Variants in EPSTI1 observed in about 807,000 individuals in gnomAD.
EPSTI1 encodes epithelial stromal interaction 1, also known as epithelial-stromal interaction protein 1.
Under a neutral mutation model 49.9 loss-of-function variants are expected in EPSTI1, and 66 were observed. The observed-to-expected ratio is 1.32, with a 90% CI of 1.08 to 1.62. The LOEUF (loss-of-function observed/expected upper bound fraction) is 1.62, where lower values mean the gene tolerates loss of function less well. Among genes scored for constraint, EPSTI1 ranks in the 40% most tolerant of loss-of-function variants. The pLI is 0.00. For missense variants in EPSTI1, 394 were observed against 365.5 expected (o/e 1.08, Z -0.64); for synonymous variants, 137 against 130.7 (o/e 1.05, Z -0.33).
chr13:42,934,494 A>G (rs2038490953), intron 6 of EPSTI1: 1 of 152,328 alleles, frequency 6.6e-6, no homozygotes, highest in Non-Finnish European at 1.5e-5. Context: ...TTTCTGGTCG[A>G]TTTGGTGGTA....
At chr13:42,905,662 A>T (rs1160647021) in intron 8 of EPSTI1, among the ~76,000 whole-genome samples, 1 of 152,232 alleles carries the variant, frequency 6.6e-6, no homozygotes, top group Non-Finnish European at 1.5e-5. Context: ...TACTCAATGC[A>T]TATTGTCACA....
At chr13:42,919,381 C>A in intron 7 of EPSTI1, 1 of 1,531,778 alleles carries the variant, frequency 6.5e-7, no homozygotes, top group East Asian at 2.3e-5. Context: ...TTTTTCTTAG[C>A]TCTAAACACC....
rs1437938272 is a variant in EPSTI1 at position 42,887,094 on chromosome 13, T to C, written c.*1400A>G. The C allele has an allele frequency of 6.6e-6, 1 of 152,202 alleles. No individual in the cohort carries two copies. The highest frequency in any genetic ancestry group is 1.5e-5 in the Non-Finnish European group (1 of 68,038). The allele number at this position is 152,202 out of a possible 1,614,324, so 9.4% of individuals were successfully genotyped here. On this transcript the variant is annotated 3_prime_UTR_variant, in exon 11 of 11. Transcript: ENST00000313624. ...CACATTTACAATCAGTTTGGTGATA[T>C]TTCCAACACAGGCTGGGGGATTGAG... is the stretch of plus-strand genomic sequence containing the variant.
At chr13:42,906,113 T>G (rs2037491812) in intron 8 of EPSTI1, among the ~76,000 whole-genome samples, 1 of 152,196 alleles carries the variant, frequency 6.6e-6, no homozygotes, top group Non-Finnish European at 1.5e-5. Flanking sequence ...CCAGGAGGGC[T>G]GCTCTGCTGG....
At chr13:42,908,704 T>C (rs1328005510) in intron 8 of EPSTI1, among the ~76,000 whole-genome samples, 1 of 151,968 alleles carries the variant, frequency 6.6e-6, no homozygotes, top group African/African-American at 2.4e-5. Context: ...CTGTAAACTA[T>C]ACATCTAATA....
At chr13:42,950,729 T>C (rs2039069410) in intron 6 of EPSTI1, among the ~76,000 whole-genome samples, 1 of 152,224 alleles carries the variant, frequency 6.6e-6, no homozygotes, top group Admixed American at 6.5e-5. Flanking sequence ...TAGCAAAGTA[T>C]TGACTGGTTT....
intron 6 of EPSTI1, among the ~76,000 whole-genome samples, chr13:42,937,944 AAAT>A (rs2038619314): frequency 6.6e-6 from 1 of 152,170 alleles, no homozygotes; most frequent in Non-Finnish European, 1.5e-5. Context: ...TCTATTTCTT[AAAT>A]AATAAGATGT....
chr13:42,941,006 GATT>G (rs2038735133), intron 6 of EPSTI1, among the ~76,000 whole-genome samples: 1 of 151,928 alleles, frequency 6.6e-6, no homozygotes, highest in South Asian at 2.1e-4. Context: ...TTTTTTCCTA[GATT>G]ATTATTTACT....
chr13:42,986,296 G>A (rs547041306), intron 1 of EPSTI1, among the ~76,000 whole-genome samples: 1 of 152,176 alleles, frequency 6.6e-6, no homozygotes, highest in Admixed American at 6.5e-5. Context: ...ATTTAGCCAC[G>A]GTCCCTGGTT....
chr13:42,951,443 G>A (rs963710732), intron 6 of EPSTI1, among the ~76,000 whole-genome samples: 1 of 152,126 alleles, frequency 6.6e-6, no homozygotes, highest in Non-Finnish European at 1.5e-5. Context: ...CTCAATTTTA[G>A]CCAAACTCTG....
Position 42,919,657 on chromosome 13 carries a change from G to T in EPSTI1, c.658-2033C>A, listed in dbSNP as rs1004326302. Among the ~76,000 whole-genome samples the T allele has an allele frequency of 2.6e-5, 4 of 152,212 alleles. No homozygotes were observed. In the East Asian group the frequency reaches 7.7e-4, roughly 29 times the overall value. On this transcript the variant is annotated intron_variant, in intron 7 of 10. Transcript: ENST00000313624. ...AAGACTAATGGTTACAGTACAGCAT[G>T]ATAGGTGATATGATAGAGGAAGCCA... is the stretch of plus-strand genomic sequence containing the variant.
intron 3 of EPSTI1, 57 bp from the exon 4 acceptor site, chr13:42,964,196 C>T: frequency 3.0e-6 from 4 of 1,334,890 alleles, no homozygotes; most frequent in Middle Eastern, 3.6e-4. Flanking sequence ...AAATGTCAGC[C>T]ATCGAGGACT....
intron 5 of EPSTI1, among the ~76,000 whole-genome samples, chr13:42,958,965 A>T (rs182718570): frequency 2.0e-5 from 3 of 152,336 alleles, no homozygotes; most frequent in Non-Finnish European, 4.4e-5. Context: ...CATGCATAAA[A>T]ATAATAATAC....
intron 6 of EPSTI1, among the ~76,000 whole-genome samples, chr13:42,935,962 T>A (rs1032305277): frequency 6.6e-6 from 1 of 152,176 alleles, no homozygotes; most frequent in Non-Finnish European, 1.5e-5. Context: ...TCATACTTCA[T>A]TGAGAATAGA....
rs1214941560 is a variant in EPSTI1, at chr13:42,886,674, C to T, written c.*1820G>A. ...CCTTTAGGCAGCAAGTCTTGCTTCT[C>T]TCCTGGTTACCTCTGCCTACATAGA... On this transcript the variant is annotated 3_prime_UTR_variant, in exon 11 of 11. Transcript: ENST00000313624. 1 of 152,194 alleles carries T rather than the reference C, an allele frequency of 6.6e-6. No individual in the cohort carries two copies. The highest frequency in any genetic ancestry group is 2.4e-5 in the African/African-American group (1 of 41,440). 9.4% of individuals were successfully genotyped at this position (152,194 alleles called of 1,614,324 possible). A position where few individuals can be genotyped will look rare whatever the true frequency, so the allele number is the denominator to read the frequency against.
intron 6 of EPSTI1, among the ~76,000 whole-genome samples, chr13:42,929,354 A>G (rs1173582310): frequency 1.3e-5 from 2 of 152,192 alleles, no homozygotes; most frequent in Non-Finnish European, 1.5e-5. Context: ...GGTCCTTCCT[A>G]TAGGTAAGAT....
intron 1 of EPSTI1, among the ~76,000 whole-genome samples, chr13:42,984,391 G>T (rs1208097287): frequency 6.6e-6 from 1 of 152,184 alleles, no homozygotes; most frequent in Non-Finnish European, 1.5e-5. Context: ...AGTGAAAACA[G>T]TTCTAATATG....
chr13:42,900,156 C>G (rs543078290), intron 9 of EPSTI1, among the ~76,000 whole-genome samples, 154 bp downstream of exon 9: 1 of 152,256 alleles, frequency 6.6e-6, no homozygotes, highest in South Asian at 2.1e-4. Flanking sequence ...GTTGGCATAC[C>G]TCTACATATA....
intron 6 of EPSTI1, among the ~76,000 whole-genome samples, chr13:42,927,607 C>T (rs1454935323): frequency 6.6e-6 from 1 of 152,204 alleles, no homozygotes; most frequent in East Asian, 1.9e-4. Flanking sequence ...AGAAACTAAA[C>T]AGGTGCCAGC....
Sources: allele counts gnomAD v4.1 joint callset (sites outside exome capture counted in the v4.1 genomes callset), GRCh38; gene constraint gnomAD v4.1.1; transcripts MANE v1.5; gene names NCBI Gene and HGNC (gene_info 2026-07-23, HGNC 2026-07-21).